Variants in PDE11A observed in about 807,000 individuals in gnomAD.
PDE11A encodes the protein phosphodiesterase 11A, also known as dual 3',5'-cyclic-AMP and -GMP phosphodiesterase 11A.
In PDE11A, 100 loss-of-function variants were observed where a neutral mutation model predicts 100.5. That is an observed-to-expected ratio of 1.00 (90% CI 0.85 to 1.18). The LOEUF is 1.18. Ranked by LOEUF, PDE11A falls within the 50% of genes most tolerant of loss-of-function variation. The pLI, the probability that PDE11A is intolerant of heterozygous loss-of-function variation, is 0.00. For missense variants in PDE11A, 1,141 were observed against 1,152.6 expected (o/e 0.99, Z 0.15); for synonymous variants, 381 against 420.8 (o/e 0.91, Z 1.16).
chr2:177,725,264 C>T (rs2081583644), intron 12 of PDE11A, among the ~76,000 whole-genome samples: 1 of 152,002 alleles, frequency 6.6e-6, no homozygotes, highest in Non-Finnish European at 1.5e-5. Flanking sequence ...TTAAAAAATT[C>T]TGATTAACCA....
chr2:177,914,425 T>C (rs1163269238), intron 2 of PDE11A, among the ~76,000 whole-genome samples: 1 of 152,118 alleles, frequency 6.6e-6, no homozygotes, highest in African/African-American at 2.4e-5. Context: ...GTGAAGATCT[T>C]TTACAAAGAT....
rs371584751 is a variant in PDE11A at position 177,999,455 on chromosome 2, G to C, written c.1071+14847C>G. On this transcript the variant is annotated intron_variant, in intron 2 of 19. Transcript: ENST00000286063. ...TATTAGGACAAACAAAATTGATGTC[G>C]ATATTAAAGCTTCGAAAAATTAATC... 1.8e-3 allele frequency among the ~76,000 whole-genome samples: 270 copies of C among 152,234 alleles called. 3 individuals are homozygous for C. Among genetic ancestry groups the C allele is most frequent in the African/African-American group, 6.3e-3 (260 of 41,548 alleles).
chr2:177,938,210 C>T (rs1221251250), intron 2 of PDE11A, among the ~76,000 whole-genome samples: 1 of 152,150 alleles, frequency 6.6e-6, no homozygotes, highest in Non-Finnish European at 1.5e-5. Context: ...GGACATGCTG[C>T]TTAGGATGCC....
intron 2 of PDE11A, among the ~76,000 whole-genome samples, chr2:178,094,299 C>T (rs998192292): frequency 3.3e-5 from 5 of 151,932 alleles, no homozygotes; most frequent in Non-Finnish European, 4.4e-5. Flanking sequence ...GAGCCTGAGG[C>T]GGGTGGATCG....
intron 10 of PDE11A, among the ~76,000 whole-genome samples, chr2:177,745,559 G>A (rs2081936178): frequency 6.6e-6 from 1 of 152,210 alleles, no homozygotes. Flanking sequence ...GCCAGGGCTA[G>A]TCCCACTCCA....
intron 1 of PDE11A, among the ~76,000 whole-genome samples, chr2:178,035,666 A>T (rs2086604328): frequency 6.6e-6 from 1 of 152,226 alleles, no homozygotes; most frequent in Admixed American, 6.5e-5. Context: ...GCACATCAAA[A>T]AGCTTATCCA....
chr2:177,747,849 GA>G (rs1183671840), intron 10 of PDE11A, among the ~76,000 whole-genome samples: 2 of 152,068 alleles, frequency 1.3e-5, no homozygotes. Flanking sequence ...CAGAACACCT[GA>G]AAATGATAGT....
Position 178,072,751 on chromosome 2 carries a change from G to A in PDE11A, c.-314C>T. The A allele has an allele frequency of 7.6e-7, 1 of 1,307,790 alleles. No homozygotes were observed. Among genetic ancestry groups the A allele is most frequent in the Non-Finnish European group, 9.8e-7 (1 of 1,020,588 alleles). 81.0% of individuals were successfully genotyped at this position (1,307,790 alleles called of 1,614,324 possible). On this transcript the variant is annotated 5_prime_UTR_variant, in exon 1 of 20. Coordinates refer to ENST00000286063, the MANE Select transcript of PDE11A (RefSeq NM_016953.4). ...CGCTGCTCCTGTTCTGGCTGCCGCC[G>A]CTGCTGCTGGAACTGCTGCTGTAAC...
intron 1 of PDE11A, among the ~76,000 whole-genome samples, chr2:178,056,451 A>G (rs1417650271): frequency 1.3e-5 from 2 of 152,196 alleles, no homozygotes; most frequent in East Asian, 3.9e-4. Context: ...TTCTCATTCT[A>G]ATAAAAGCCT....
chr2:177,722,021 T>C (rs1430645164), intron 12 of PDE11A, among the ~76,000 whole-genome samples: 2 of 152,148 alleles, frequency 1.3e-5, no homozygotes, highest in African/African-American at 4.8e-5. Flanking sequence ...TAAATGACCA[T>C]GGCTCTGCTG....
intron 19 of PDE11A, among the ~76,000 whole-genome samples, chr2:177,663,182 T>C (rs1034000387): frequency 1.3e-5 from 2 of 152,194 alleles, no homozygotes; most frequent in Middle Eastern, 3.2e-3. Context: ...ACTCAAAAAG[T>C]GCAGTGTGAA....
intron 10 of PDE11A, among the ~76,000 whole-genome samples, chr2:177,736,066 C>A (rs1010607443): frequency 6.6e-6 from 1 of 152,156 alleles, no homozygotes; most frequent in Non-Finnish European, 1.5e-5. Context: ...GAAGACCAAG[C>A]AACCCTTTGT....
chr2:178,015,525 C>T lies in PDE11A; in HGVS notation c.913-1065G>A, dbSNP rs148176252. Among the ~76,000 whole-genome samples the T allele has an allele frequency of 6.2e-3, 942 of 152,134 alleles. 4 individuals carry two copies. The highest frequency in any genetic ancestry group is 0.021 in the African/African-American group (867 of 41,530). The stretch of plus-strand genomic sequence containing the variant: ...CTGAAATCCAAATAAAATATGTGAT[C>T]CTTTACTAGAAATTCCGAAAATTCC... On this transcript the variant is annotated intron_variant, in intron 1 of 19. Coordinates refer to ENST00000286063, the MANE Select transcript of PDE11A (RefSeq NM_016953.4).
At chr2:177,879,652 A>G (rs1017770918) in intron 4 of PDE11A, among the ~76,000 whole-genome samples, 1 of 152,214 alleles carries the variant, frequency 6.6e-6, no homozygotes, top group African/African-American at 2.4e-5. Flanking sequence ...ATGTCCAGAG[A>G]ATGAAAGAAA....
intron 1 of PDE11A, among the ~76,000 whole-genome samples, chr2:178,037,816 A>C (rs1447086698): frequency 6.6e-6 from 1 of 152,170 alleles, no homozygotes; most frequent in Non-Finnish European, 1.5e-5. Context: ...GTGGGAGTTG[A>C]GCAATGAGAG....
rs143428645 is a variant in PDE11A, at chr2:177,898,190, T to A, written c.1170A>T (p.Leu390=). The A allele has an allele frequency of 2.0e-5, 32 of 1,606,908 alleles. No individual in the cohort carries two copies. In the Middle Eastern group the frequency reaches 6.6e-4, roughly 33 times the overall value. The stretch of plus-strand genomic sequence containing the variant: ...CTTCAAAGAGGTCATTAACCACCTC[T>A]AGCAAAGCCTAGAAAAGATGAAATA... ...RKEYERSRAL[L]EVVNDLFEEQ... The change falls in exon 4 of 20, where the codon CTA becomes CTT. Residue 390 remains leucine (L), a synonymous_variant. Transcript: ENST00000286063.
intron 15 of PDE11A, among the ~76,000 whole-genome samples, chr2:177,692,484 T>G (rs1176255369): frequency 1.3e-5 from 2 of 152,198 alleles, no homozygotes; most frequent in African/African-American, 4.8e-5. Context: ...GAATGGGTGA[T>G]ATGCCTATAC....
intron 19 of PDE11A, among the ~76,000 whole-genome samples, chr2:177,636,364 GAAAGA>G (rs1193095935): frequency 1.3e-5 from 2 of 152,108 alleles, no homozygotes; most frequent in Admixed American, 1.3e-4. Context: ...CTCCCTCTCT[GAAAGA>G]AACTCCCCAA....
At chr2:177,692,494 C>A (rs945705493) in intron 15 of PDE11A, among the ~76,000 whole-genome samples, 1 of 152,154 alleles carries the variant, frequency 6.6e-6, no homozygotes, top group Non-Finnish European at 1.5e-5. Context: ...TATGCCTATA[C>A]CCCTGTTGCT....
Sources: allele counts gnomAD v4.1 joint callset (sites outside exome capture counted in the v4.1 genomes callset), GRCh38; gene constraint gnomAD v4.1.1; transcripts MANE v1.5; gene names NCBI Gene and HGNC (gene_info 2026-07-23, HGNC 2026-07-21).